Variants in RBX1 observed in about 807,000 individuals in gnomAD.
The protein encoded by RBX1 is ring-box 1.
For missense variants in RBX1, 46 were observed against 141.4 expected (o/e 0.33, Z 3.42); for synonymous variants, 48 against 47.9 (o/e 1.00, Z -0.01).
At chr22:40,954,996 A>G (rs1254723882) in intron 2 of RBX1, among the ~76,000 whole-genome samples, 1 of 151,780 alleles carries the variant, frequency 6.6e-6, no homozygotes, top group Non-Finnish European at 1.5e-5. Flanking sequence ...CGTGTTGGCC[A>G]GGCTGGCCTC....
At chr22:40,957,916 C>G (rs960066130) in intron 2 of RBX1, among the ~76,000 whole-genome samples, 1 of 152,100 alleles carries the variant, frequency 6.6e-6, no homozygotes, top group East Asian at 1.9e-4. Flanking sequence ...TCTCCACCTT[C>G]TGGGTTCAAA....
At chr22:40,963,761 A>T (rs2058347059) in intron 2 of RBX1, among the ~76,000 whole-genome samples, 1 of 151,838 alleles carries the variant, frequency 6.6e-6, no homozygotes, top group Non-Finnish European at 1.5e-5. Flanking sequence ...AGGGAGAATC[A>T]CCTAAGCCCA....
intron 4 of RBX1, among the ~76,000 whole-genome samples, chr22:40,971,853 G>A (rs900831769): frequency 2.6e-5 from 4 of 151,962 alleles, no homozygotes; most frequent in Non-Finnish European, 4.4e-5. Flanking sequence ...CACTGCACCC[G>A]GCCCCCGTTA....
intron 3 of RBX1, among the ~76,000 whole-genome samples, chr22:40,966,048 G>A (rs2058353539): frequency 6.6e-6 from 1 of 152,060 alleles, no homozygotes; most frequent in Admixed American, 6.6e-5. Flanking sequence ...TCTAGTTCTG[G>A]GTCTTCTACA....
chr22:40,964,172 C>G, intron 3 of RBX1, 55 bp downstream of exon 3: 2 of 1,372,416 alleles, frequency 1.5e-6, no homozygotes, highest in Non-Finnish European at 2.1e-6. Flanking sequence ...TCCACTTTTC[C>G]TGCTTTGCTA....
chr22:40,967,922 T>C, intron 4 of RBX1, 38 bp downstream of exon 4: 1 of 1,430,222 alleles, frequency 7.0e-7, no homozygotes, highest in Admixed American at 1.7e-5. Flanking sequence ...GCTTTTTGAC[T>C]TGCCTCAGGC....
chr22:40,970,602 C>T (rs987448997), intron 4 of RBX1, among the ~76,000 whole-genome samples: 10 of 151,994 alleles, frequency 6.6e-5, no homozygotes, highest in Admixed American at 1.3e-4. Context: ...ATATCTCTTA[C>T]GCTTTTCTGT....
intron 4 of RBX1, among the ~76,000 whole-genome samples, chr22:40,971,247 G>T (rs2058368353): frequency 6.6e-6 from 1 of 152,168 alleles, no homozygotes; most frequent in African/African-American, 2.4e-5. Context: ...GTAGTTATCA[G>T]TGCTTTGGGA....
intron 4 of RBX1, among the ~76,000 whole-genome samples, chr22:40,969,016 TAA>T (rs931817245): frequency 1.3e-5 from 2 of 152,160 alleles, no homozygotes; most frequent in Admixed American, 1.3e-4. Context: ...TTATATTTTT[TAA>T]AAAGTCAGTC....
chr22:40,951,660 G>A (rs1292382942), intron 1 of RBX1, among the ~76,000 whole-genome samples, 184 bp downstream of exon 1: 4 of 152,156 alleles, frequency 2.6e-5, no homozygotes, highest in African/African-American at 9.7e-5. Flanking sequence ...GCCCACTGTT[G>A]GGGGAAGTGT....
chr22:40,951,710 C>T (rs1352206333), intron 1 of RBX1, among the ~76,000 whole-genome samples: 2 of 146,044 alleles, frequency 1.4e-5, no homozygotes, highest in East Asian at 4.1e-4. Context: ...CACAGAGCTG[C>T]TTATTGAGAT....
intron 2 of RBX1, among the ~76,000 whole-genome samples, chr22:40,954,294 A>G (rs1601533866): frequency 6.6e-6 from 1 of 151,408 alleles, no homozygotes; most frequent in African/African-American, 2.4e-5. Flanking sequence ...AGTCTATCTG[A>G]TCTAATTTTT....
At chr22:40,960,350 G>A (rs1214688322) in intron 2 of RBX1, among the ~76,000 whole-genome samples, 1 of 152,058 alleles carries the variant, frequency 6.6e-6, no homozygotes, top group African/African-American at 2.4e-5. Flanking sequence ...GGGTGGAAGA[G>A]TCAGGAAAAG....
chr22:40,968,544 G>A (rs922542450), intron 4 of RBX1, among the ~76,000 whole-genome samples: 24 of 152,148 alleles, frequency 1.6e-4, no homozygotes, highest in African/African-American at 5.8e-4. Context: ...ATATTTCACT[G>A]GTTTATTTCA....
intron 3 of RBX1, chr22:40,966,726 T>C (rs1262360271): frequency 2.0e-5 from 3 of 152,234 alleles, no homozygotes; most frequent in African/African-American, 4.8e-5. Context: ...ATACATACTT[T>C]GGGAGACGTA....
rs369465024 is a variant in RBX1, at chr22:40,956,833, A to G, written c.157+3200A>G. Among the ~76,000 whole-genome samples, 102 of 151,790 alleles carry G rather than the reference A, an allele frequency of 6.7e-4. 2 individuals carry two copies. The South Asian group carries it at 0.02, about 30-fold the overall frequency. ...GGCAGATCACAAGGTCCAGAGATCG[A>G]GACCATCCTGGCTAACAAGGTGAAA... On this transcript the variant is annotated intron_variant, in intron 2 of 4. Transcript: ENST00000216225.
intron 3 of RBX1, chr22:40,967,461 C>A (rs983525094): frequency 1.1e-5 from 2 of 174,178 alleles, no homozygotes; most frequent in African/African-American, 4.8e-5. Flanking sequence ...GGCCTCCTTT[C>A]CCAAAGAAAG....
At chr22:40,951,566 G>T (rs1408761052) in intron 1 of RBX1, 90 bp downstream of exon 1, 2 of 1,293,428 alleles carry the variant, frequency 1.5e-6, no homozygotes, top group Non-Finnish European at 2.2e-6. Context: ...CGGAGTAAAG[G>T]GTTTCATTTC....
intron 4 of RBX1, 42 bp downstream of exon 4, chr22:40,967,926 C>T (rs2058358419): frequency 2.1e-6 from 3 of 1,403,896 alleles, no homozygotes; most frequent in Non-Finnish European, 2.0e-6. Context: ...TTTGACTTGC[C>T]TCAGGCTGAA....
Sources: allele counts gnomAD v4.1 joint callset (sites outside exome capture counted in the v4.1 genomes callset), GRCh38; gene constraint gnomAD v4.1.1; transcripts MANE v1.5; gene names NCBI Gene and HGNC (gene_info 2026-07-23, HGNC 2026-07-21).